Variants in PTPN20 observed in about 807,000 individuals in gnomAD.
The protein encoded by PTPN20 is tyrosine-protein phosphatase non-receptor type 20.
A neutral mutation model predicts 35.0 loss-of-function variants in PTPN20; 9 were observed. The ratio of observed to expected loss-of-function variants is 0.26; its 90% CI spans 0.15 to 0.45. The LOEUF (loss-of-function observed/expected upper bound fraction) is 0.45. PTPN20 is among the 20% of genes least tolerant of loss of function. The pLI is 1.00. For missense variants in PTPN20, 111 were observed against 312.5 expected (o/e 0.36, Z 4.86); for synonymous variants, 32 against 100.2 (o/e 0.32, Z 4.06).
rs1254277979 is a variant in PTPN20 at position 46,932,246 on chromosome 10, A to G, written c.-123-131A>G. The G allele has an allele frequency of 1.9e-5, 26 of 1,343,008 alleles. No individual in the cohort carries two copies. In the East Asian group the frequency reaches 6.9e-4, roughly 36 times the overall value. The allele number at this position is 1,343,008 out of a possible 1,614,324, so 83.2% of individuals were successfully genotyped here. ...CCTGAAATTATTTGATAAAATTTCA[A>G]ATGAAATTTATTTTGTCTTTAATTA... On this transcript the variant is annotated intron_variant, in intron 1 of 10. Coordinates refer to ENST00000374339, the MANE Select transcript of PTPN20 (RefSeq NM_001042357.5).
chr10:46,936,493 G>C (rs1237945159), intron 2 of PTPN20, among the ~76,000 whole-genome samples: 4 of 151,834 alleles, frequency 2.6e-5, no homozygotes, highest in Non-Finnish European at 5.9e-5. Flanking sequence ...ATTTTGTAAG[G>C]CTGTAGCTGC....
chr10:47,000,085 T>A, intron 10 of PTPN20, 111 bp downstream of exon 10: 1 of 1,481,760 alleles, frequency 6.7e-7, no homozygotes, highest in Non-Finnish European at 9.4e-7. Flanking sequence ...ATTGAATTCC[T>A]ACTGTTTGAG....
intron 7 of PTPN20, among the ~76,000 whole-genome samples, chr10:46,983,163 G>A (rs1211685736): frequency 6.8e-6 from 1 of 147,406 alleles, no homozygotes; most frequent in Non-Finnish European, 1.5e-5. Flanking sequence ...TGCAGCCTCC[G>A]CCTCCCTGGT....
intron 9 of PTPN20, among the ~76,000 whole-genome samples, chr10:46,999,507 G>A (rs1488797064): frequency 6.6e-6 from 1 of 152,194 alleles, no homozygotes; most frequent in Non-Finnish European, 1.5e-5. Context: ...CTAGTGTTGG[G>A]TCGACTGTTG....
intron 2 of PTPN20, among the ~76,000 whole-genome samples, chr10:46,937,956 T>TC (rs1164742836): frequency 1.9e-4 from 28 of 148,814 alleles, no homozygotes; most frequent in African/African-American, 6.4e-4. Flanking sequence ...TTTTCTTTTT[T>TC]TTTTTTTTTC....
At chr10:46,941,423 A>G (rs1589404338) in intron 3 of PTPN20, among the ~76,000 whole-genome samples, 1 of 130,896 alleles carries the variant, frequency 7.6e-6, no homozygotes, top group Non-Finnish European at 1.6e-5. Flanking sequence ...TCTCCTGTCC[A>G]TTCTCTGCTA....
intron 1 of PTPN20, among the ~76,000 whole-genome samples, 194 bp from the exon 2 acceptor site, chr10:46,932,183 T>A (rs1285336563): frequency 6.6e-6 from 1 of 151,910 alleles, no homozygotes; most frequent in East Asian, 1.9e-4. Flanking sequence ...GCTCTGGTAT[T>A]TGAATAAATA....
intron 6 of PTPN20, among the ~76,000 whole-genome samples, chr10:46,965,910 TC>T (rs2050433374): frequency 1.7e-5 from 1 of 57,280 alleles, no homozygotes; most frequent in Non-Finnish European, 2.7e-5. Context: ...TTTTTTTTTT[TC>T]TTATTGGTTA....
intron 7 of PTPN20, among the ~76,000 whole-genome samples, chr10:46,977,178 G>T (rs1328885817): frequency 6.6e-6 from 1 of 152,286 alleles, no homozygotes; most frequent in Non-Finnish European, 1.5e-5. Context: ...AAAATTTCCA[G>T]AGGAAGAAGG....
intron 7 of PTPN20, among the ~76,000 whole-genome samples, chr10:46,970,713 T>G (rs1415391493): frequency 1.4e-5 from 2 of 141,976 alleles, no homozygotes; most frequent in Non-Finnish European, 3.1e-5. Flanking sequence ...ACCAAAGTGC[T>G]TGTGAGGAAA....
chr10:46,936,541 A>T (rs1380572520), intron 2 of PTPN20, among the ~76,000 whole-genome samples: 31 of 151,882 alleles, frequency 2.0e-4, no homozygotes, highest in African/African-American at 6.3e-4. Flanking sequence ...TGGGCAAAGT[A>T]AATTGAAAAC....
At chr10:46,949,313 G>A (rs1240684730) in intron 5 of PTPN20, among the ~76,000 whole-genome samples, 2 of 152,208 alleles carry the variant, frequency 1.3e-5, no homozygotes, top group East Asian at 1.9e-4. Context: ...GTGGCTTTAC[G>A]CTGTTCTGTA....
chr10:46,995,525 C>T (rs1229491755), intron 9 of PTPN20, among the ~76,000 whole-genome samples: 6 of 151,948 alleles, frequency 3.9e-5, no homozygotes, highest in Non-Finnish European at 5.9e-5. Flanking sequence ...CCCAGGGGTC[C>T]TGTGCAATGT....
At chr10:46,976,416 T>A (rs2053613853) in intron 7 of PTPN20, among the ~76,000 whole-genome samples, 1 of 126,210 alleles carries the variant, frequency 7.9e-6, no homozygotes, top group South Asian at 2.9e-4. Flanking sequence ...TTTTTTTTTT[T>A]TTATCCTGAT....
At chr10:46,960,607 C>A (rs1210766432) in intron 5 of PTPN20, among the ~76,000 whole-genome samples, 11 of 151,592 alleles carry the variant, frequency 7.3e-5, no homozygotes, top group Non-Finnish European at 1.5e-4. Flanking sequence ...ATTTTAAATT[C>A]ATCACTTGAC....
intron 2 of PTPN20, among the ~76,000 whole-genome samples, chr10:46,936,091 T>G (rs1400843584): frequency 6.6e-6 from 1 of 152,244 alleles, no homozygotes; most frequent in Non-Finnish European, 1.5e-5. Context: ...CTTGGCTATG[T>G]GTATGTCTCC....
intron 5 of PTPN20, among the ~76,000 whole-genome samples, chr10:46,951,537 T>G (rs2046674404): frequency 6.6e-6 from 1 of 152,226 alleles, no homozygotes; most frequent in African/African-American, 2.4e-5. Flanking sequence ...AGGAAAAACA[T>G]GCAAATATTC....
chr10:46,951,256 G>A (rs1326859300), intron 5 of PTPN20, among the ~76,000 whole-genome samples: 2 of 152,102 alleles, frequency 1.3e-5, no homozygotes, highest in African/African-American at 2.4e-5. Context: ...GTCTCCCAAA[G>A]TGCTGGGATT....
intron 5 of PTPN20, among the ~76,000 whole-genome samples, chr10:46,963,855 G>A (rs2050073637): frequency 1.4e-5 from 1 of 70,150 alleles, no homozygotes; most frequent in African/African-American, 1.0e-4. Context: ...GAACACAATG[G>A]GAAGATCTAA....
Sources: gnomAD v4.1 joint callset for allele counts (sites outside exome capture counted in the v4.1 genomes callset) on GRCh38, gnomAD v4.1.1 for gene constraint, MANE v1.5 for transcripts, NCBI Gene and HGNC (gene_info 2026-07-23, HGNC 2026-07-21) for gene names.